Variants in KCNK2 observed in about 807,000 individuals in gnomAD.
The protein encoded by KCNK2 is potassium two pore domain channel subfamily K member 2, also known as potassium channel subfamily K member 2.
In KCNK2, 21 loss-of-function variants were observed where a neutral mutation model predicts 40.5. The ratio of observed to expected loss-of-function variants is 0.52; its 90% confidence interval spans 0.37 to 0.75. The LOEUF is 0.75. Among genes scored for constraint, KCNK2 ranks in the 30% least tolerant of loss-of-function variants. The pLI is 0.00. For missense variants in KCNK2, 399 were observed against 531.6 expected, an observed-to-expected ratio of 0.75 and a Z score of 2.45; for synonymous variants, 191 against 202.2, an observed-to-expected ratio of 0.94 and a Z score of 0.47.
At chr1:215,221,127 T>A (rs1666153641) in intron 6 of KCNK2, among the ~76,000 whole-genome samples, 1 of 152,232 alleles carries the variant, frequency 6.6e-6, no homozygotes, top group Non-Finnish European at 1.5e-5. Context: ...CCCAGCACTT[T>A]GAGAGGCCAA....
chr1:215,194,887 G>A (rs1664799349), intron 5 of KCNK2, 66 bp from the exon 6 acceptor site: 10 of 1,463,174 alleles, frequency 6.8e-6, no homozygotes, highest in African/African-American at 1.4e-5. Flanking sequence ...AGTAATTTTA[G>A]CAATACCTAG....
chr1:215,230,529 ATATG>A (rs374990219), intron 6 of KCNK2, among the ~76,000 whole-genome samples: 2,107 of 72,606 alleles, frequency 0.029, 77 homozygotes, highest in East Asian at 0.23. Flanking sequence ...ATATATATAT[ATATG>A]TATATATATA....
intron 6 of KCNK2, among the ~76,000 whole-genome samples, chr1:215,231,332 A>G (rs1256164609): frequency 1.3e-5 from 2 of 152,202 alleles, no homozygotes; most frequent in African/African-American, 4.8e-5. Context: ...ATAATGCTCA[A>G]TAAATAGTAG....
intron 6 of KCNK2, among the ~76,000 whole-genome samples, chr1:215,228,749 C>T (rs10779654): frequency 0.23 from 34,517 of 151,872 alleles, 4,510 homozygotes; most frequent in African/African-American, 0.36. Flanking sequence ...TTTAATTATC[C>T]AGAACACCAA....
chr1:215,040,114 C>G (rs993683565), intron 1 of KCNK2, among the ~76,000 whole-genome samples: 1 of 152,224 alleles, frequency 6.6e-6, no homozygotes, highest in African/African-American at 2.4e-5. Context: ...TACAGTGACA[C>G]CATGGTCACA....
rs569260486 is a variant in KCNK2, at chr1:215,083,698, A to G, written c.46+267A>G. On this transcript the variant is annotated intron_variant, in intron 1 of 6. Coordinates refer to ENST00000444842, the MANE Select transcript of KCNK2 (RefSeq NM_001017425.3). ...TTGGAACACCTTGGGGGAGTTTCCC[A>G]TGGAGAAGGAGGGTCAGCCCTTGGG... The G allele has an allele frequency of 5.4e-6, 3 of 559,408 alleles. No homozygotes were observed. In the South Asian group the frequency reaches 6.5e-5, roughly 12 times the overall value. 34.7% of individuals were successfully genotyped at this position (559,408 alleles called of 1,614,324 possible). A position where few individuals can be genotyped will look rare whatever the true frequency, so the allele number is the denominator to read the frequency against.
chr1:215,230,558 C>CCA (rs1368607816), intron 6 of KCNK2, among the ~76,000 whole-genome samples: 1 of 46,630 alleles, frequency 2.1e-5, no homozygotes, highest in Admixed American at 2.2e-4. Context: ...CACATAACAG[C>CCA]CATATATATA....
chr1:215,217,416 T>G (rs1666004746), intron 6 of KCNK2, among the ~76,000 whole-genome samples: 2 of 152,206 alleles, frequency 1.3e-5, no homozygotes, highest in Admixed American at 1.3e-4. Flanking sequence ...CAATGGAGCA[T>G]GTGTTTAGAT....
At chr1:215,175,892 A>G (rs1295884101) in intron 5 of KCNK2, among the ~76,000 whole-genome samples, 1 of 152,020 alleles carries the variant, frequency 6.6e-6, no homozygotes, top group Non-Finnish European at 1.5e-5. Flanking sequence ...TCTTTACCTA[A>G]TCCACCACTG....
At chr1:215,031,334 A>C (rs1194157092) in intron 1 of KCNK2, among the ~76,000 whole-genome samples, 3 of 152,210 alleles carry the variant, frequency 2.0e-5, no homozygotes, top group Non-Finnish European at 4.4e-5. Flanking sequence ...CATCTTGACT[A>C]TATAGAGTCT....
At chr1:215,044,365 G>T (rs1657670223) in intron 1 of KCNK2, among the ~76,000 whole-genome samples, 1 of 151,970 alleles carries the variant, frequency 6.6e-6, no homozygotes, top group South Asian at 2.1e-4. Context: ...GACTTTCCCT[G>T]GTTTAGTTGA....
intron 3 of KCNK2, among the ~76,000 whole-genome samples, chr1:215,160,254 G>A (rs1455811322): frequency 6.6e-6 from 1 of 152,132 alleles, no homozygotes; most frequent in African/African-American, 2.4e-5. Flanking sequence ...AGAGAACTAA[G>A]GGATAAAATG....
intron 1 of KCNK2, among the ~76,000 whole-genome samples, chr1:215,064,371 A>G (rs948804296): frequency 6.6e-5 from 10 of 151,892 alleles, no homozygotes; most frequent in Admixed American, 3.3e-4. Flanking sequence ...GTGTGTGTGT[A>G]ATATGAATCC....
intron 1 of KCNK2, among the ~76,000 whole-genome samples, chr1:215,072,795 G>A (rs893229817): frequency 6.6e-6 from 1 of 152,124 alleles, no homozygotes; most frequent in African/African-American, 2.4e-5. Context: ...ACATTGTGCT[G>A]AGGAACAAGA....
intron 2 of KCNK2, among the ~76,000 whole-genome samples, chr1:215,100,462 G>T (rs1313938025): frequency 1.3e-5 from 2 of 151,998 alleles, no homozygotes; most frequent in African/African-American, 4.8e-5. Flanking sequence ...GATCTCAGAT[G>T]CCTGCAACCT....
intron 6 of KCNK2, among the ~76,000 whole-genome samples, chr1:215,198,673 C>T (rs17024407): frequency 0.018 from 2,796 of 152,032 alleles, 157 homozygotes; most frequent in Admixed American, 0.12. Context: ...TCATTCTGGG[C>T]GCTGTTAGTT....
At chr1:215,167,859 A>T (rs1663517909) in intron 3 of KCNK2, among the ~76,000 whole-genome samples, 1 of 152,186 alleles carries the variant, frequency 6.6e-6, no homozygotes, top group Non-Finnish European at 1.5e-5. Flanking sequence ...ACCAAAGCCA[A>T]CATTGAAAAA....
intron 1 of KCNK2, among the ~76,000 whole-genome samples, chr1:215,019,260 T>C (rs1656703246): frequency 6.6e-6 from 1 of 152,246 alleles, no homozygotes; most frequent in Admixed American, 6.5e-5. Flanking sequence ...TTGCTTACTA[T>C]TATACTTCGT....
At chr1:215,140,669 A>G (rs148030484) in intron 3 of KCNK2, among the ~76,000 whole-genome samples, 1 of 152,216 alleles carries the variant, frequency 6.6e-6, no homozygotes, top group Non-Finnish European at 1.5e-5. Context: ...GGGACTTACC[A>G]TAAATGAGTC....
Sources: allele counts gnomAD v4.1 joint callset (sites outside exome capture counted in the v4.1 genomes callset), GRCh38; gene constraint gnomAD v4.1.1; transcripts MANE v1.5; gene names NCBI Gene and HGNC (gene_info 2026-07-23, HGNC 2026-07-21).